The following MTMR3 variants were observed in gnomAD, a reference collection of about 807,000 sequenced individuals.
MTMR3 encodes the protein phosphatidylinositol-3,5-bisphosphate 3-phosphatase MTMR3.
In MTMR3, 32 loss-of-function variants were observed where a neutral mutation model predicts 132.4. The ratio of observed to expected loss-of-function variants is 0.24; its 90% CI spans 0.18 to 0.32. The LOEUF is 0.32. Ranked by LOEUF, MTMR3 falls within the 10% of genes least tolerant of loss-of-function variation. The probability of loss-of-function intolerance (pLI) is 1.00; values close to 1 mark genes in which losing one functional copy is unlikely to be tolerated. For missense variants in MTMR3, 1,216 were observed against 1,489.6 expected (o/e 0.82, Z 3.02); for synonymous variants, 556 against 550.3 (o/e 1.01, Z -0.14).
chr22:29,980,855 G>C (rs960157707), intron 5 of MTMR3: 6 of 152,242 alleles, frequency 3.9e-5, no homozygotes, highest in African/African-American at 1.4e-4. Context: ...ATGAAGATCA[G>C]ATTGTTTAGC....
intron 1 of MTMR3, among the ~76,000 whole-genome samples, chr22:29,940,643 C>CT (rs1901501454): frequency 6.7e-6 from 1 of 150,078 alleles, no homozygotes; most frequent in Non-Finnish European, 1.5e-5. Flanking sequence ...CCTGCCCCAC[C>CT]TTTTTAAAAA....
At chr22:29,929,921 G>A (rs2065607855) in intron 1 of MTMR3, among the ~76,000 whole-genome samples, 1 of 152,190 alleles carries the variant, frequency 6.6e-6, no homozygotes, top group Non-Finnish European at 1.5e-5. Flanking sequence ...TTGGACAAGT[G>A]TTTGAGAGGT....
At chr22:29,913,502 TAGAG>T (rs1423628925) in intron 1 of MTMR3, among the ~76,000 whole-genome samples, 12 of 152,168 alleles carry the variant, frequency 7.9e-5, no homozygotes, top group Admixed American at 7.9e-4. Context: ...AAATCAGCCT[TAGAG>T]AGGTATAATT....
chr22:29,923,219 T>G (rs945423126), intron 1 of MTMR3, among the ~76,000 whole-genome samples: 2 of 144,008 alleles, frequency 1.4e-5, no homozygotes, highest in Non-Finnish European at 3.0e-5. Context: ...TTTTTTGTAG[T>G]TTTTTTTTTT....
At chr22:29,936,251 T>C (rs998916897) in intron 1 of MTMR3, among the ~76,000 whole-genome samples, 2 of 152,194 alleles carry the variant, frequency 1.3e-5, no homozygotes, top group Non-Finnish European at 2.9e-5. Context: ...ATGAATTTTT[T>C]TGGGGAAAGT....
intron 5 of MTMR3, chr22:29,983,778 C>T (rs929324700): frequency 1.3e-5 from 2 of 152,094 alleles, no homozygotes; most frequent in African/African-American, 4.8e-5. Context: ...GCTAGGTCTA[C>T]AGACACATGC....
At chr22:29,931,253 C>T (rs73396896) in intron 1 of MTMR3, among the ~76,000 whole-genome samples, 1 of 152,052 alleles carries the variant, frequency 6.6e-6, no homozygotes, top group African/African-American at 2.4e-5. Flanking sequence ...GTAGTTTAAT[C>T]TACCCCTTTT....
intron 11 of MTMR3, chr22:30,008,735 C>T (rs185475393): frequency 2.4e-5 from 7 of 295,572 alleles, no homozygotes; most frequent in Admixed American, 4.9e-5. Flanking sequence ...AGAGTGAGAT[C>T]GAAGTAGGCC....
chr22:30,025,962 T>C lies in MTMR3; in HGVS notation c.*161T>C. ...GCACCACTGGATTGTAGATTGATTT[T>C]TCTTTCCTGTCCCCCTACTCCCTCC... On this transcript the variant is annotated 3_prime_UTR_variant, in exon 20 of 20. Transcript: ENST00000401950. The C allele has an allele frequency of 4.6e-6, 3 of 645,914 alleles. No individual in the cohort carries two copies. The highest frequency in any genetic ancestry group is 7.8e-6 in the Non-Finnish European group (3 of 386,038). 40.0% of individuals were successfully genotyped at this position (645,914 alleles called of 1,614,324 possible).
chr22:29,894,412 G>A (rs1001930572), intron 1 of MTMR3, among the ~76,000 whole-genome samples: 2 of 151,972 alleles, frequency 1.3e-5, no homozygotes, highest in Non-Finnish European at 2.9e-5. Context: ...TTAATAAGCT[G>A]ATTGAGAATT....
chr22:29,998,923 T>C (rs2067114958), intron 8 of MTMR3, 66 bp downstream of exon 8: 2 of 1,032,438 alleles, frequency 1.9e-6, no homozygotes, highest in African/African-American at 1.6e-5. Context: ...GCAATTCTCA[T>C]GTGGCAGAAC....
intron 2 of MTMR3, among the ~76,000 whole-genome samples, chr22:29,967,987 T>A (rs2066463155): frequency 6.6e-6 from 1 of 152,048 alleles, no homozygotes; most frequent in Non-Finnish European, 1.5e-5. Flanking sequence ...GTTTGTCCAT[T>A]CATTGATTGA....
chr22:29,913,222 T>TG (rs1235613957), intron 1 of MTMR3, among the ~76,000 whole-genome samples: 1 of 152,158 alleles, frequency 6.6e-6, no homozygotes, highest in African/African-American at 2.4e-5. Context: ...CACTCTAGCC[T>TG]GGGTAACAGC....
chr22:30,018,157 AT>A, intron 16 of MTMR3, 85 bp downstream of exon 16: 2 of 1,389,836 alleles, frequency 1.4e-6, no homozygotes, highest in Non-Finnish European at 9.5e-7. Context: ...GTCAGAGATC[AT>A]GATGGTATCT....
intron 19 of MTMR3, chr22:30,023,870 TCC>T: frequency 5.0e-6 from 1 of 201,272 alleles, no homozygotes; most frequent in Non-Finnish European, 9.4e-6. Flanking sequence ...GCTTCTTTTT[TCC>T]CTTTTTTTTT....
chr22:29,887,280 C>T (rs567542448), intron 1 of MTMR3, among the ~76,000 whole-genome samples: 2 of 152,176 alleles, frequency 1.3e-5, no homozygotes, highest in East Asian at 1.9e-4. Context: ...CTACATAACC[C>T]CCCTGAGCTC....
rs952598590 is a variant in MTMR3 at position 29,928,705 on chromosome 22, A to G, written c.-137-28331A>G. On this transcript the variant is annotated intron_variant, in intron 1 of 19. Coordinates refer to ENST00000401950, the MANE Select transcript of MTMR3 (RefSeq NM_021090.4). ...TTTAAGTTTTTTTAAAATAGAGACG[A>G]AGTCTCGGCATGTTGCCTAGGCTGA... Among the ~76,000 whole-genome samples the G allele has an allele frequency of 2.6e-5, 4 of 152,128 alleles. No homozygotes were observed. The East Asian group carries it at 7.8e-4, about 30-fold the overall frequency.
At chr22:29,898,691 C>T (rs753080253) in intron 1 of MTMR3, among the ~76,000 whole-genome samples, 26 of 152,070 alleles carry the variant, frequency 1.7e-4, no homozygotes, top group Admixed American at 1.5e-3. Context: ...CGTGAGCCAC[C>T]GTACCCAGCT....
chr22:29,891,563 T>C (rs188080317), intron 1 of MTMR3, among the ~76,000 whole-genome samples: 243 of 152,032 alleles, frequency 1.6e-3, no homozygotes, highest in African/African-American at 5.8e-3. Context: ...ACTTGAGTAG[T>C]TGGGATTACA....
Sources: gnomAD v4.1 joint callset for allele counts (sites outside exome capture counted in the v4.1 genomes callset) on GRCh38, gnomAD v4.1.1 for gene constraint, MANE v1.5 for transcripts, NCBI Gene and HGNC (gene_info 2026-07-23, HGNC 2026-07-21) for gene names.